ZBTB20: variants seen among roughly 807,000 people sequenced by gnomAD.
ZBTB20 encodes the protein zinc finger and BTB domain containing 20.
In ZBTB20, 9 loss-of-function variants were observed where a neutral mutation model predicts 56.9. The ratio of observed to expected loss-of-function variants is 0.16; its 90% CI spans 0.10 to 0.28. ZBTB20 has a LOEUF of 0.28. Among genes scored for constraint, ZBTB20 ranks in the 10% least tolerant of loss-of-function variants. The pLI is 1.00. For synonymous variants in ZBTB20, 417 were observed against 420.7 expected, an observed-to-expected ratio of 0.99 and a Z score of 0.11; for missense variants, 655 against 1,003.0, an observed-to-expected ratio of 0.65 and a Z score of 4.69.
chr3:114,932,523 C>A lies in ZBTB20; in HGVS notation c.-455-32181G>T, dbSNP rs2076394372. ...AGGCCTCTCTAGCTTTCTGCTCTTG[C>A]AATTTCTTTTACATTGTCTTTGTCA... is the stretch of plus-strand genomic sequence containing the variant. On this transcript the variant is annotated intron_variant, in intron 3 of 11. Transcript: ENST00000675478. Among the ~76,000 whole-genome samples the A allele has an allele frequency of 2.6e-5, 4 of 152,178 alleles. No homozygotes were observed. In the South Asian group the frequency reaches 8.3e-4, roughly 31 times the overall value.
intron 7 of ZBTB20, among the ~76,000 whole-genome samples, chr3:114,488,354 C>A (rs2109464731): frequency 6.6e-6 from 1 of 152,246 alleles, no homozygotes; most frequent in African/African-American, 2.4e-5. Flanking sequence ...GTTATTCATC[C>A]TTTCATCATT....
chr3:114,409,103 T>C (rs2087654132), intron 7 of ZBTB20, among the ~76,000 whole-genome samples: 1 of 142,756 alleles, frequency 7.0e-6, no homozygotes, highest in African/African-American at 2.5e-5. Flanking sequence ...TCAAATCTTC[T>C]AAGAGGGGGA....
intron 4 of ZBTB20, among the ~76,000 whole-genome samples, chr3:114,849,896 A>ACC (rs2074909407): frequency 9.6e-6 from 1 of 103,788 alleles, no homozygotes; most frequent in South Asian, 3.7e-4. Context: ...GAATCAGGAA[A>ACC]TCTTTTTTTT....
intron 4 of ZBTB20, among the ~76,000 whole-genome samples, chr3:114,829,613 G>A (rs2073736524): frequency 6.6e-6 from 1 of 151,848 alleles, no homozygotes; most frequent in Non-Finnish European, 1.5e-5. Flanking sequence ...ATGAAACAAA[G>A]TAATTTCACA....
chr3:114,964,369 T>G (rs1464289556), intron 3 of ZBTB20, among the ~76,000 whole-genome samples: 2 of 152,056 alleles, frequency 1.3e-5, no homozygotes, highest in Non-Finnish European at 2.9e-5. Context: ...GAGCCAAGAT[T>G]GGGCCACTGC....
At chr3:115,089,622 A>G (rs1345783344) in intron 1 of ZBTB20, among the ~76,000 whole-genome samples, 1 of 151,862 alleles carries the variant, frequency 6.6e-6, no homozygotes, top group African/African-American at 2.4e-5. Flanking sequence ...AAAATATAAT[A>G]GGATGTAATA....
chr3:115,010,415 G>A (rs753303322), intron 2 of ZBTB20, among the ~76,000 whole-genome samples: 3 of 151,900 alleles, frequency 2.0e-5, no homozygotes, highest in Non-Finnish European at 2.9e-5. Flanking sequence ...AGGAGCTTGG[G>A]TCACTCTGAG....
In ZBTB20 at chr3:114,329,491, C is replaced by A. The variant is rs2079167164; in HGVS notation, c.*9514G>T. ...ATTTATTGTATAGGAAGACAGAATG[C>A]CTGATTTCTGAAGTTTTCTTGATGG... On this transcript the variant is annotated 3_prime_UTR_variant, in exon 12 of 12. Transcript: ENST00000675478. The A allele has an allele frequency of 6.6e-6, 1 of 151,802 alleles. No individual in the cohort carries two copies. The highest frequency in any genetic ancestry group is 2.4e-5 in the African/African-American group (1 of 41,310). 9.4% of individuals were successfully genotyped at this position (151,802 alleles called of 1,614,324 possible).
At chr3:114,822,852 C>A (rs918107518) in intron 4 of ZBTB20, among the ~76,000 whole-genome samples, 1 of 151,870 alleles carries the variant, frequency 6.6e-6, no homozygotes, top group Non-Finnish European at 1.5e-5. Flanking sequence ...CCTTTTAATA[C>A]CATGGGAAAA....
chr3:115,089,292 C>A (rs571445776), intron 1 of ZBTB20, among the ~76,000 whole-genome samples: 1 of 151,900 alleles, frequency 6.6e-6, no homozygotes, highest in African/African-American at 2.4e-5. Context: ...CATTCTAAAT[C>A]TTTCTTTCCT....
intron 1 of ZBTB20, among the ~76,000 whole-genome samples, chr3:115,099,599 T>C (rs1367882892): frequency 6.6e-6 from 1 of 152,224 alleles, no homozygotes; most frequent in African/African-American, 2.4e-5. Flanking sequence ...TTATGTCCAA[T>C]GGCATTAAAT....
At chr3:114,932,892 T>G (rs1244313058) in intron 3 of ZBTB20, among the ~76,000 whole-genome samples, 5 of 152,166 alleles carry the variant, frequency 3.3e-5, no homozygotes, top group Non-Finnish European at 7.3e-5. Flanking sequence ...AACAATAGAT[T>G]GCAGCAGAAG....
chr3:114,993,420 T>G (rs946992213), intron 2 of ZBTB20, among the ~76,000 whole-genome samples: 85 of 151,858 alleles, frequency 5.6e-4, no homozygotes, highest in Non-Finnish European at 1.5e-5. Context: ...AATTACATCA[T>G]TTTGAACTAA....
At chr3:114,967,675 G>A (rs867117007) in intron 3 of ZBTB20, among the ~76,000 whole-genome samples, 2 of 152,130 alleles carry the variant, frequency 1.3e-5, no homozygotes, top group South Asian at 2.1e-4. Context: ...AGTTGATCTC[G>A]GCTGGTCGCA....
chr3:115,132,019 C>T (rs1327726964), intron 1 of ZBTB20, among the ~76,000 whole-genome samples: 4 of 151,874 alleles, frequency 2.6e-5, no homozygotes, highest in African/African-American at 2.4e-5. Context: ...GCTTGCCTTT[C>T]GTTACCATTT....
chr3:115,029,838 G>T (rs1178557256), intron 2 of ZBTB20, among the ~76,000 whole-genome samples: 2 of 150,890 alleles, frequency 1.3e-5, no homozygotes, highest in Non-Finnish European at 3.0e-5. Context: ...GTTGGAGAAG[G>T]TCTTCCTAAG....
At chr3:114,906,335 G>A (rs1172902005) in intron 3 of ZBTB20, among the ~76,000 whole-genome samples, 2 of 151,718 alleles carry the variant, frequency 1.3e-5, no homozygotes, top group African/African-American at 2.4e-5. Context: ...ATCTTTTATT[G>A]TAAATTCTGT....
chr3:114,615,746 T>C lies in ZBTB20; in HGVS notation c.-295+77782A>G, dbSNP rs140729145. Among the ~76,000 whole-genome samples the C allele has an allele frequency of 9.7e-3, 1,475 of 152,308 alleles. 28 individuals carry two copies. The highest frequency in any genetic ancestry group is 0.032 in the African/African-American group (1,344 of 41,562). On this transcript the variant is annotated intron_variant, in intron 6 of 11. Transcript: ENST00000675478. ...CCTCAGCCTCTGGAGTGATTGAGTATTTATAGACACAAAGATAGAAACATA... is the reference window on the plus strand; with the variant it reads ...CCTCAGCCTCTGGAGTGATTGAGTACTTATAGACACAAAGATAGAAACATA...
intron 6 of ZBTB20, among the ~76,000 whole-genome samples, chr3:114,674,613 C>T (rs2061528250): frequency 6.6e-6 from 1 of 151,998 alleles, no homozygotes; most frequent in Non-Finnish European, 1.5e-5. Context: ...ATTGGTATAA[C>T]TCAAATTATT....
Sources: gnomAD v4.1 joint callset for allele counts (sites outside exome capture counted in the v4.1 genomes callset) on GRCh38, gnomAD v4.1.1 for gene constraint, MANE v1.5 for transcripts, NCBI Gene and HGNC (gene_info 2026-07-23, HGNC 2026-07-21) for gene names.